MGAM2: variants seen among roughly 807,000 people sequenced by gnomAD.
MGAM2 encodes the protein maltase-glucoamylase 2 (putative).
MGAM2 carries 98 observed loss-of-function variants against 96.1 expected under a neutral mutation model. The ratio of observed to expected loss-of-function variants is 1.02; its 90% CI spans 0.87 to 1.21. The LOEUF is 1.21. MGAM2 is among the 50% of genes most tolerant of loss of function. The probability of loss-of-function intolerance (pLI) is 0.00; values close to 1 mark genes in which losing one functional copy is unlikely to be tolerated. For missense variants in MGAM2, 2,055 were observed against 1,182.4 expected (o/e 1.74, Z -10.82); for synonymous variants, 749 against 414.8 (o/e 1.81, Z -9.79).
At chr7:142,166,974 A>ACAT (rs1442400443) in intron 25 of MGAM2, among the ~76,000 whole-genome samples, 1 of 152,154 alleles carries the variant, frequency 6.6e-6, no homozygotes, top group East Asian at 1.9e-4. Flanking sequence ...TCACATGTGT[A>ACAT]CATGTCTATC....
chr7:142,114,952 C>T (rs1236543106), intron 1 of MGAM2, among the ~76,000 whole-genome samples: 1 of 152,100 alleles, frequency 6.6e-6, no homozygotes, highest in African/African-American at 2.4e-5. Context: ...CACGGTGGCT[C>T]ATGCTGTAAT....
intron 27 of MGAM2, among the ~76,000 whole-genome samples, chr7:142,170,956 A>T (rs999330358): frequency 2.6e-5 from 4 of 152,134 alleles, no homozygotes; most frequent in East Asian, 3.9e-4. Context: ...CTATTTGTTT[A>T]TTTATATATT....
At chr7:142,128,459 C>T (rs1008469955) in intron 3 of MGAM2, among the ~76,000 whole-genome samples, 2 of 152,132 alleles carry the variant, frequency 1.3e-5, no homozygotes, top group Admixed American at 6.6e-5. Flanking sequence ...AAAAATGGCT[C>T]CAGGGCGTCA....
chr7:142,176,111 G>C lies in MGAM2; in HGVS notation c.3816+331G>C, dbSNP rs908411949. ...TGAAGATAGCAAAAAAAAAAAAAGG[G>C]GGGGGCATCTCACTGTTTCAGGCTA... On this transcript the variant is annotated intron_variant, in intron 32 of 47. Transcript: ENST00000477922. Among the ~76,000 whole-genome samples the C allele has an allele frequency of 9.6e-5, 12 of 125,600 alleles. No homozygotes were observed. In the South Asian group the frequency reaches 3.2e-3, roughly 33 times the overall value. 82.4% of individuals were successfully genotyped at this position (125,600 alleles called of 152,430 possible). A position where few individuals can be genotyped will look rare whatever the true frequency, so the allele number is the denominator to read the frequency against.
At chr7:142,134,243 C>T in intron 7 of MGAM2, 91 bp downstream of exon 7, 2 of 607,404 alleles carry the variant, frequency 3.3e-6, no homozygotes, top group Non-Finnish European at 6.0e-6. Context: ...ATCTATTTTA[C>T]TTTGCTCACT....
At chr7:142,190,267 C>CTTTTTTTTTTTT (rs58228482) in intron 37 of MGAM2, among the ~76,000 whole-genome samples, 3 of 104,246 alleles carry the variant, frequency 2.9e-5, no homozygotes, top group Non-Finnish European at 1.9e-5. Flanking sequence ...TACCATTTTA[C>CTTTTTTTTTTTT]TTTTTTTTTT....
intron 1 of MGAM2, among the ~76,000 whole-genome samples, chr7:142,114,981 C>T (rs926009412): frequency 2.0e-4 from 31 of 152,064 alleles, no homozygotes; most frequent in African/African-American, 7.0e-4. Context: ...TTTGGGAGGC[C>T]GAGGTAAGTG....
intron 22 of MGAM2, 98 bp downstream of exon 22, chr7:142,161,311 C>A: frequency 1.7e-6 from 1 of 596,910 alleles, no homozygotes; most frequent in South Asian, 2.1e-5. Flanking sequence ...CCTATTAGCA[C>A]TGTCGTTTAC....
At chr7:142,172,550 A>G (rs1796228342) in intron 29 of MGAM2, 102 bp from the exon 30 acceptor site, 2 of 591,846 alleles carry the variant, frequency 3.4e-6, no homozygotes, top group Non-Finnish European at 6.0e-6. Flanking sequence ...GAAGGCATGT[A>G]TCAAAGACAG....
chr7:142,213,579 T>G (rs1450796860), intron 46 of MGAM2, among the ~76,000 whole-genome samples: 1 of 151,972 alleles, frequency 6.6e-6, no homozygotes, highest in African/African-American at 2.4e-5. Context: ...CTAGAAGAAA[T>G]TGATAAATTC....
intron 32 of MGAM2, among the ~76,000 whole-genome samples, chr7:142,176,391 T>A (rs1487571584): frequency 2.6e-5 from 4 of 152,190 alleles, no homozygotes; most frequent in Non-Finnish European, 4.4e-5. Flanking sequence ...ATTTGGTGAC[T>A]TTTGCTCACT....
At position 142,170,237 on chromosome 7, in the gene MGAM2, CTATT is replaced by C. The variant is rs1796148550; in HGVS notation, c.3182+14_3182+17del. On this transcript the variant is annotated intron_variant, in intron 27 of 47. Coordinates refer to ENST00000477922, the MANE Select transcript of MGAM2 (RefSeq NM_001293626.2). ...AAACTCCAGCACTGTGATGTAAGCACTATTTATTTGATTCTAATTAGAGTAGTTC... is the reference window on the plus strand; with the variant it reads ...AAACTCCAGCACTGTGATGTAAGCACTATTTGATTCTAATTAGAGTAGTTC... 2.9e-6 allele frequency: 2 copies of C among 700,152 alleles called. No homozygotes were observed. The highest frequency in any genetic ancestry group is 5.2e-6 in the Non-Finnish European group (2 of 383,864). The allele number at this position is 700,152 out of a possible 1,614,324, so 43.4% of individuals were successfully genotyped here. A position where few individuals can be genotyped will look rare whatever the true frequency, so the allele number is the denominator to read the frequency against.
chr7:142,163,344 C>A (rs1255421836), intron 23 of MGAM2, among the ~76,000 whole-genome samples: 1 of 152,164 alleles, frequency 6.6e-6, no homozygotes, highest in Non-Finnish European at 1.5e-5. Context: ...TGCAAGGGCA[C>A]GATCTCAGCC....
intron 3 of MGAM2, among the ~76,000 whole-genome samples, chr7:142,122,759 A>G (rs1342437731): frequency 6.6e-6 from 1 of 152,196 alleles, no homozygotes; most frequent in Non-Finnish European, 1.5e-5. Context: ...TTCCCTTGGC[A>G]TATAGTAGGA....
chr7:142,171,925 G>A (rs1191377047), intron 28 of MGAM2, among the ~76,000 whole-genome samples, 173 bp from the exon 29 acceptor site: 3 of 151,924 alleles, frequency 2.0e-5, no homozygotes, highest in African/African-American at 4.8e-5. Flanking sequence ...AAGGCATGAA[G>A]TGGGGAAGAC....
At chr7:142,189,306 G>T in intron 36 of MGAM2, 61 bp from the exon 37 acceptor site, 2 of 582,734 alleles carry the variant, frequency 3.4e-6, no homozygotes, top group Non-Finnish European at 6.2e-6. Context: ...CAAAATGATG[G>T]GCATTTCTAG....
rs1795876787 is a variant in MGAM2, at chr7:142,161,149, C to G, written c.2370C>G (p.Ile790Met). 4 of 702,600 alleles carry G rather than the reference C, an allele frequency of 5.7e-6. No homozygotes were observed. Among genetic ancestry groups the G allele is most frequent in the Non-Finnish European group, 7.8e-6 (3 of 384,806 alleles). 43.5% of individuals were successfully genotyped at this position (702,600 alleles called of 1,614,324 possible). A position where few individuals can be genotyped will look rare whatever the true frequency, so the allele number is the denominator to read the frequency against. ...GCCGGAGGAATTCCCTGGGACTCAT[C>G]ATCGCCTTGGACTATAAGAGAGAAG... ...EASRRNSLGL[I>M]IALDYKREAK... Residue 790 changes from isoleucine (I) to methionine (M), a missense_variant, in exon 22 of 48, where the codon ATC (isoleucine) becomes ATG (methionine). Ile to Met is a conservative substitution (Grantham distance 10, BLOSUM62 1). Transcript: ENST00000477922.
At chr7:142,163,017 G>C (rs989397012) in intron 23 of MGAM2, among the ~76,000 whole-genome samples, 2 of 152,120 alleles carry the variant, frequency 1.3e-5, no homozygotes, top group African/African-American at 2.4e-5. Flanking sequence ...TTTCAACAGT[G>C]TTCTGTAAAG....
intron 17 of MGAM2, among the ~76,000 whole-genome samples, chr7:142,157,453 A>G (rs1156287405): frequency 6.7e-6 from 1 of 149,866 alleles, no homozygotes. Flanking sequence ...GTGCAGTGGC[A>G]CGATCTCAGC....
Sources: allele counts gnomAD v4.1 joint callset (sites outside exome capture counted in the v4.1 genomes callset), GRCh38; gene constraint gnomAD v4.1.1; transcripts MANE v1.5; gene names NCBI Gene and HGNC (gene_info 2026-07-23, HGNC 2026-07-21).